Variants in PATJ observed in about 807,000 individuals in gnomAD.
PATJ encodes the protein inaD-like protein.
PATJ carries 190 observed loss-of-function variants against 224.9 expected under a neutral mutation model. The observed-to-expected ratio is 0.84, with a 90% CI of 0.75 to 0.95. PATJ has a LOEUF of 0.95. PATJ is among the 40% of genes least tolerant of loss of function. PATJ has a pLI of 0.00. For synonymous variants in PATJ, 769 were observed against 820.3 expected, an observed-to-expected ratio of 0.94 and a Z score of 1.07; for missense variants, 2,121 against 2,270.3, an observed-to-expected ratio of 0.93 and a Z score of 1.34.
At chr1:62,065,292 T>C (rs1192100013) in intron 31 of PATJ, among the ~76,000 whole-genome samples, 1 of 152,064 alleles carries the variant, frequency 6.6e-6, no homozygotes, top group Non-Finnish European at 1.5e-5. Flanking sequence ...ACAGCAGAAA[T>C]GTAGGCACAC....
intron 31 of PATJ, among the ~76,000 whole-genome samples, chr1:62,078,108 C>A (rs1299050062): frequency 6.6e-6 from 1 of 152,182 alleles, no homozygotes; most frequent in East Asian, 1.9e-4. Flanking sequence ...TACCTTGGTC[C>A]TATTTCTAGA....
At chr1:61,889,453 A>G (rs1669290147) in intron 22 of PATJ, among the ~76,000 whole-genome samples, 1 of 152,104 alleles carries the variant, frequency 6.6e-6, no homozygotes, top group Admixed American at 6.6e-5. Context: ...TTCAAGGGAT[A>G]TGTTCCAAGA....
intron 24 of PATJ, among the ~76,000 whole-genome samples, chr1:61,901,970 A>G (rs892477306): frequency 2.0e-5 from 3 of 152,066 alleles, no homozygotes; most frequent in Admixed American, 1.3e-4. Flanking sequence ...TGCCTGTAAT[A>G]CCAGCACTTT....
In PATJ at chr1:61,812,401, AGTGACT is replaced by A. The variant is rs1655003132; in HGVS notation, c.1683+3873_1683+3878del. ...GAGAGAGAGAGAGAGAGAGAATGTG[AGTGACT>A]GAGAGAGAGAGAGAGAGAGAGAGAG... On this transcript the variant is annotated intron_variant, in intron 14 of 43. Coordinates refer to ENST00000642238, the MANE Select transcript of PATJ (RefSeq NM_001350145.3). 1.8e-3 allele frequency among the ~76,000 whole-genome samples: 167 copies of A among 94,892 alleles called. 1 individual carries two copies. Among genetic ancestry groups the A allele is most frequent in the African/African-American group, 4.1e-3 (109 of 26,670 alleles). 62.3% of individuals were successfully genotyped at this position (94,892 alleles called of 152,430 possible).
At chr1:61,810,790 A>G (rs1207321492) in intron 14 of PATJ, among the ~76,000 whole-genome samples, 1 of 152,120 alleles carries the variant, frequency 6.6e-6, no homozygotes, top group South Asian at 2.1e-4. Flanking sequence ...CGGGCGTGGT[A>G]GTGGGCACCT....
chr1:61,759,827 G>A (rs576780601), intron 1 of PATJ, among the ~76,000 whole-genome samples: 1 of 152,308 alleles, frequency 6.6e-6, no homozygotes, highest in African/African-American at 2.4e-5. Flanking sequence ...ACACTCAGAA[G>A]TAAAAATTGT....
chr1:61,842,680 G>A (rs539759439), intron 17 of PATJ, among the ~76,000 whole-genome samples: 1 of 151,442 alleles, frequency 6.6e-6, no homozygotes, highest in South Asian at 2.1e-4. Context: ...CTCCTGCAAA[G>A]TGCTCAAGAT....
chr1:61,745,894 G>A (rs1468789827), intron 1 of PATJ, among the ~76,000 whole-genome samples: 1 of 150,104 alleles, frequency 6.7e-6, no homozygotes, highest in African/African-American at 2.5e-5. Flanking sequence ...GTGAACCACC[G>A]GGCCTGGCAA....
intron 33 of PATJ, among the ~76,000 whole-genome samples, chr1:62,090,901 G>T (rs1378061991): frequency 6.6e-6 from 1 of 152,178 alleles, no homozygotes; most frequent in Non-Finnish European, 1.5e-5. Flanking sequence ...ACCCTCAGAA[G>T]AAGTAAAAGA....
chr1:62,007,315 G>A (rs1263661893), intron 28 of PATJ, among the ~76,000 whole-genome samples: 1 of 152,188 alleles, frequency 6.6e-6, no homozygotes, highest in East Asian at 1.9e-4. Context: ...CTATCTGGAA[G>A]ACCTCAGAAG....
At chr1:61,813,383 AC>A (rs1655354533) in intron 14 of PATJ, among the ~76,000 whole-genome samples, 1 of 16,368 alleles carries the variant, frequency 6.1e-5, no homozygotes, top group Non-Finnish European at 1.6e-4. Flanking sequence ...ATATATACAC[AC>A]ACACACACAC....
chr1:61,860,138 A>T (rs1469500016), intron 18 of PATJ, among the ~76,000 whole-genome samples: 1 of 152,170 alleles, frequency 6.6e-6, no homozygotes, highest in African/African-American at 2.4e-5. Context: ...GCTCTTTTCT[A>T]AAAAGAGGCT....
chr1:62,095,999 C>T (rs1226072839), intron 33 of PATJ, among the ~76,000 whole-genome samples: 1 of 152,190 alleles, frequency 6.6e-6, no homozygotes, highest in Non-Finnish European at 1.5e-5. Context: ...CAATGAAGCA[C>T]ATCCTCGTCT....
chr1:61,914,391 G>T (rs1353115342), intron 25 of PATJ, among the ~76,000 whole-genome samples, 196 bp from the exon 26 acceptor site: 1 of 152,132 alleles, frequency 6.6e-6, no homozygotes, highest in Non-Finnish European at 1.5e-5. Context: ...AGGAGGCGGA[G>T]GTTACAGTGA....
At chr1:62,016,026 A>G (rs1018191455) in intron 28 of PATJ, among the ~76,000 whole-genome samples, 8 of 152,086 alleles carry the variant, frequency 5.3e-5, no homozygotes, top group Non-Finnish European at 1.2e-4. Context: ...CCTGACCTCA[A>G]GTGATTTGCC....
chr1:61,763,245 A>T, intron 3 of PATJ, 66 bp downstream of exon 3: 1 of 936,280 alleles, frequency 1.1e-6, no homozygotes, highest in Non-Finnish European at 1.5e-6. Flanking sequence ...TCAAAGAAAG[A>T]TAGAGGAGAT....
At chr1:62,158,731 C>CA (rs34869231) in intron 43 of PATJ, among the ~76,000 whole-genome samples, 4 of 120,906 alleles carry the variant, frequency 3.3e-5, no homozygotes, top group South Asian at 2.7e-4. Context: ...AAAAAAAAAA[C>CA]AAAAAAAAAG....
At chr1:61,826,449 G>C (rs1170215512) in intron 15 of PATJ, among the ~76,000 whole-genome samples, 3 of 152,304 alleles carry the variant, frequency 2.0e-5, no homozygotes, top group East Asian at 1.9e-4. Context: ...AGGAGGGTAG[G>C]AGTCAGATGC....
chr1:61,802,060 A>G (rs1162670727), intron 12 of PATJ, among the ~76,000 whole-genome samples: 4 of 151,352 alleles, frequency 2.6e-5, no homozygotes, highest in Non-Finnish European at 5.9e-5. Context: ...TACATTAGGT[A>G]TTTCTCCTAA....
Sources: gnomAD v4.1 joint callset for allele counts (sites outside exome capture counted in the v4.1 genomes callset) on GRCh38, gnomAD v4.1.1 for gene constraint, MANE v1.5 for transcripts, NCBI Gene and HGNC (gene_info 2026-07-23, HGNC 2026-07-21) for gene names.